The following HCK variants were observed in gnomAD, a reference collection of about 807,000 sequenced individuals.
HCK encodes the protein HCK proto-oncogene, Src family tyrosine kinase.
HCK carries 40 observed loss-of-function variants against 70.4 expected under a neutral mutation model. The ratio of observed to expected loss-of-function variants is 0.57; its 90% CI spans 0.44 to 0.74. The LOEUF (loss-of-function observed/expected upper bound fraction) is 0.74. Among genes scored for constraint, HCK ranks in the 30% least tolerant of loss-of-function variants. The probability of loss-of-function intolerance (pLI) is 0.00; values close to 1 mark genes in which losing one functional copy is unlikely to be tolerated. For missense variants in HCK, 568 were observed against 697.2 expected (o/e 0.81, Z 2.09); for synonymous variants, 245 against 263.2 (o/e 0.93, Z 0.67).
intron 1 of HCK, among the ~76,000 whole-genome samples, chr20:32,056,662 G>T (rs6061136): frequency 0.068 from 10,280 of 152,056 alleles, 987 homozygotes; most frequent in African/African-American, 0.22. Flanking sequence ...TATTTTATTA[G>T]TATTATTATT....
chr20:32,075,280 C>T (rs771624713), intron 5 of HCK, among the ~76,000 whole-genome samples: 9 of 152,070 alleles, frequency 5.9e-5, no homozygotes, highest in Non-Finnish European at 1.2e-4. Flanking sequence ...TCAGCCTCAG[C>T]CTCCCTGGGC....
Position 32,101,682 on chromosome 20 carries a change from C to G in HCK, c.*163C>G. On this transcript the variant is annotated 3_prime_UTR_variant, in exon 13 of 13. Transcript: ENST00000375852. ...CAGTGGGTAGGTTGGACTGGAAAATCTCTTTTTGACTCTTGCAATCCACAA... is the reference window on the plus strand; with the variant it reads ...CAGTGGGTAGGTTGGACTGGAAAATGTCTTTTTGACTCTTGCAATCCACAA... The G allele has an allele frequency of 1.8e-6, 1 of 541,378 alleles. No individual in the cohort carries two copies. Among genetic ancestry groups the G allele is most frequent in the Non-Finnish European group, 3.3e-6 (1 of 307,122 alleles). The allele number at this position is 541,378 out of a possible 1,614,324, so 33.5% of individuals were successfully genotyped here.
At position 32,088,498 on chromosome 20, in the gene HCK, C is replaced by A. The variant is rs776537763; in HGVS notation, c.1016-70C>A. 218 of 1,168,122 alleles carry A rather than the reference C, an allele frequency of 1.9e-4. 1 individual carries two copies. Among genetic ancestry groups the A allele is most frequent in the Non-Finnish European group, 1.8e-4 (142 of 794,512 alleles). 72.4% of individuals were successfully genotyped at this position (1,168,122 alleles called of 1,614,324 possible). A position where few individuals can be genotyped will look rare whatever the true frequency, so the allele number is the denominator to read the frequency against. On this transcript the variant is annotated intron_variant, in intron 9 of 12. Transcript: ENST00000375852. ...CACACACTAAAGTACTAGATTGGTG[C>A]AAAAGTAATTGTGGTTTTTGCCATT...
Position 32,101,444 on chromosome 20 carries a change from G to C in HCK, c.1506G>C (p.Pro502=). 1 of 1,614,052 alleles carries C rather than the reference G, an allele frequency of 6.2e-7. No individual in the cohort carries two copies. The highest frequency in any genetic ancestry group is 8.5e-7 in the Non-Finnish European group (1 of 1,179,982). ...GGAAAAACCGTCCGGAGGAGCGGCC[G>C]ACCTTCGAATACATCCAGAGTGTGC... Residue 502 remains proline, a synonymous_variant, in exon 13 of 13, where the codon CCG becomes CCC. Transcript: ENST00000375852.
chr20:32,099,788 A>G (rs968335716), intron 12 of HCK, among the ~76,000 whole-genome samples: 2 of 152,160 alleles, frequency 1.3e-5, no homozygotes, highest in African/African-American at 4.8e-5. Context: ...TAGATGGTGC[A>G]GCGGCATCCT....
Position 32,074,719 on chromosome 20 carries a change from G to A in HCK, c.426G>A (p.Glu142=), listed in dbSNP as rs1282141383. ...CCCGCGTTGACTCTCTGGAGACAGA[G>A]GAGTAAGTATCCTATTTCCTACCTT... Residue 142 remains glutamate (E), a splice_region_variant and synonymous_variant, in exon 5 of 13, where the codon GAG becomes GAA. Transcript: ENST00000375852. The A allele has an allele frequency of 6.2e-7, 1 of 1,609,466 alleles. No homozygotes were observed. The highest frequency in any genetic ancestry group is 8.5e-7 in the Non-Finnish European group (1 of 1,175,758).
At chr20:32,100,965 T>A (rs1301619872) in intron 12 of HCK, among the ~76,000 whole-genome samples, 2 of 152,256 alleles carry the variant, frequency 1.3e-5, no homozygotes, top group Non-Finnish European at 2.9e-5. Flanking sequence ...CCTGTCTCTA[T>A]GATGGTCTTC....
In HCK at chr20:32,091,347, C is replaced by T. The variant is rs569776434; in HGVS notation, c.1093-2516C>T. On this transcript the variant is annotated intron_variant, in intron 10 of 12. Transcript: ENST00000375852. ...AGCGCTTTTGGAGCTCCAGCCCTGGCTCCGCAACTTGCAAGCTGTGTAAGC... is the reference window on the plus strand; with the variant it reads ...AGCGCTTTTGGAGCTCCAGCCCTGGTTCCGCAACTTGCAAGCTGTGTAAGC... 3.3e-5 allele frequency among the ~76,000 whole-genome samples: 5 copies of T among 152,358 alleles called. No homozygotes were observed. In the South Asian group the frequency reaches 1.0e-3, roughly 32 times the overall value.
chr20:32,093,696 G>A (rs2045895369), intron 10 of HCK, among the ~76,000 whole-genome samples, 167 bp from the exon 11 acceptor site: 1 of 152,238 alleles, frequency 6.6e-6, no homozygotes, highest in Non-Finnish European at 1.5e-5. Flanking sequence ...TGAATGGGTT[G>A]ATGGAGGAAT....
At chr20:32,094,796 A>AGAAG (rs2045926474) in intron 11 of HCK, among the ~76,000 whole-genome samples, 66 of 12,570 alleles carry the variant, frequency 5.3e-3, no homozygotes, top group East Asian at 0.024. Flanking sequence ...AGAGAAAGAA[A>AGAAG]GAAAGAAAGA....
At chr20:32,080,803 T>C (rs2045698979) in intron 6 of HCK, among the ~76,000 whole-genome samples, 1 of 152,130 alleles carries the variant, frequency 6.6e-6, no homozygotes, top group African/African-American at 2.4e-5. Context: ...GTCAGGATTG[T>C]TTTTGTTTTG....
chr20:32,053,637 C>CA (rs1160849578), intron 1 of HCK, among the ~76,000 whole-genome samples: 7,554 of 59,422 alleles, frequency 0.13, 906 homozygotes, highest in African/African-American at 0.23. Context: ...GACTCTGTCT[C>CA]AAAAAAAAAA....
chr20:32,052,783 G>A (rs1308945039), intron 1 of HCK, among the ~76,000 whole-genome samples: 1 of 113,486 alleles, frequency 8.8e-6, no homozygotes, highest in African/African-American at 4.6e-5. Context: ...TCCCCTTCTT[G>A]GGGGGGGGCG....
At chr20:32,076,646 G>C (rs2045630493) in intron 5 of HCK, among the ~76,000 whole-genome samples, 1 of 152,188 alleles carries the variant, frequency 6.6e-6, no homozygotes, top group Non-Finnish European at 1.5e-5. Flanking sequence ...GACATGAGCA[G>C]CAACAGCATC....
rs771555859 is a variant in HCK, at chr20:32,099,001, C to G, written c.1247-3C>G. 6.2e-7 allele frequency: 1 copy of G among 1,614,004 alleles called. No individual in the cohort carries two copies. On this transcript the variant is annotated splice_region_variant and splice_polypyrimidine_tract_variant and intron_variant, in intron 11 of 12. Transcript: ENST00000375852. ...CCCGACTCTGCTCTGTTCAACCCTGCAGGGGCCAAGTTCCCCATCAAGTGG... is the reference window on the plus strand; with the variant it reads ...CCCGACTCTGCTCTGTTCAACCCTGGAGGGGCCAAGTTCCCCATCAAGTGG...
chr20:32,100,025 G>A (rs1012339739), intron 12 of HCK, among the ~76,000 whole-genome samples: 6 of 151,570 alleles, frequency 4.0e-5, no homozygotes, highest in African/African-American at 1.2e-4. Context: ...TCAGCCTCCC[G>A]AGTATCTGGG....
intron 11 of HCK, among the ~76,000 whole-genome samples, chr20:32,094,700 A>AAG (rs2045910801): frequency 2.2e-5 from 2 of 90,630 alleles, no homozygotes; most frequent in African/African-American, 5.0e-5. Context: ...AAAAGAAAAG[A>AAG]AAAGAAAAGA....
At chr20:32,075,477 A>G (rs1209618486) in intron 5 of HCK, among the ~76,000 whole-genome samples, 1 of 152,118 alleles carries the variant, frequency 6.6e-6, no homozygotes, top group Non-Finnish European at 1.5e-5. Context: ...TGCTGGGATT[A>G]TAGGCCTGAA....
intron 6 of HCK, among the ~76,000 whole-genome samples, chr20:32,081,057 C>G (rs894397316): frequency 6.6e-6 from 1 of 152,144 alleles, no homozygotes; most frequent in Non-Finnish European, 1.5e-5. Context: ...CCACTAGACT[C>G]CAGCCTGGGC....
Sources: allele counts gnomAD v4.1 joint callset (sites outside exome capture counted in the v4.1 genomes callset), GRCh38; gene constraint gnomAD v4.1.1; transcripts MANE v1.5; gene names NCBI Gene and HGNC (gene_info 2026-07-23, HGNC 2026-07-21).